Variants in GNG12 observed in about 807,000 individuals in gnomAD.
GNG12 encodes G protein subunit gamma 12, also known as guanine nucleotide-binding protein G(I)/G(S)/G(O) subunit gamma-12.
For synonymous variants in GNG12, 28 were observed against 29.7 expected, an observed-to-expected ratio of 0.94 and a Z score of 0.19; for missense variants, 69 against 83.8, an observed-to-expected ratio of 0.82 and a Z score of 0.69.
chr1:67,776,201 A>G (rs1034022779), intron 2 of GNG12, among the ~76,000 whole-genome samples: 3 of 152,146 alleles, frequency 2.0e-5, no homozygotes, highest in Non-Finnish European at 1.5e-5. Context: ...GGCTAGAAGT[A>G]AGACTAAGAT....
At chr1:67,714,851 G>A (rs991067263) in intron 2 of GNG12, among the ~76,000 whole-genome samples, 2 of 152,200 alleles carry the variant, frequency 1.3e-5, no homozygotes, top group Admixed American at 1.3e-4. Context: ...TTATGAGAAC[G>A]AGAAATTTGG....
chr1:67,751,181 A>G (rs1162263917), intron 2 of GNG12, among the ~76,000 whole-genome samples: 2 of 130,522 alleles, frequency 1.5e-5, no homozygotes, highest in East Asian at 4.1e-4. Flanking sequence ...GGATACACAT[A>G]CAGACACACA....
At position 67,703,162 on chromosome 1, in the gene GNG12, A is replaced by C. The variant is rs567372243; in HGVS notation, c.*2289T>G. The C allele has an allele frequency of 6.6e-6, 1 of 152,254 alleles. No homozygotes were observed. Among genetic ancestry groups the C allele is most frequent in the Non-Finnish European group, 1.5e-5 (1 of 68,004 alleles). 9.4% of individuals were successfully genotyped at this position (152,254 alleles called of 1,614,324 possible). ...TTTGATATTCATGAACATGCCCTAC[A>C]CCTGGTTAGGAAGTTATGTATTTAT... is the stretch of plus-strand genomic sequence containing the variant. On this transcript the variant is annotated 3_prime_UTR_variant, in exon 4 of 4. Coordinates refer to ENST00000370982, the MANE Select transcript of GNG12 (RefSeq NM_018841.6).
intron 2 of GNG12, among the ~76,000 whole-genome samples, chr1:67,712,996 T>G (rs1038169969): frequency 6.6e-6 from 1 of 152,186 alleles, no homozygotes; most frequent in Admixed American, 6.5e-5. Flanking sequence ...CCCAAAGTGC[T>G]GGGATTACAG....
intron 1 of GNG12, among the ~76,000 whole-genome samples, chr1:67,821,900 G>A (rs997926603): frequency 1.3e-5 from 2 of 151,800 alleles, no homozygotes; most frequent in African/African-American, 4.8e-5. Context: ...TTTTGCAAAC[G>A]GGAAAACAGG....
chr1:67,758,395 A>C (rs1234561654), intron 2 of GNG12, among the ~76,000 whole-genome samples: 1 of 152,186 alleles, frequency 6.6e-6, no homozygotes, highest in Non-Finnish European at 1.5e-5. Context: ...CCCTCCTCAG[A>C]CCTAGTATTT....
chr1:67,754,740 T>A (rs543010595), intron 2 of GNG12, among the ~76,000 whole-genome samples: 13 of 152,346 alleles, frequency 8.5e-5, no homozygotes, highest in African/African-American at 2.9e-4. Context: ...CCCATCAGGA[T>A]ACCGAGCACA....
At chr1:67,822,552 T>G (rs1646990292) in intron 1 of GNG12, among the ~76,000 whole-genome samples, 2 of 152,138 alleles carry the variant, frequency 1.3e-5, no homozygotes, top group South Asian at 4.2e-4. Context: ...CCAGAGAGCT[T>G]TAAACCAACC....
At chr1:67,810,350 A>G (rs1646918038) in intron 1 of GNG12, among the ~76,000 whole-genome samples, 1 of 152,210 alleles carries the variant, frequency 6.6e-6, no homozygotes, top group Non-Finnish European at 1.5e-5. Context: ...ATCATGTATT[A>G]GTCAAAATCC....
intron 1 of GNG12, among the ~76,000 whole-genome samples, chr1:67,790,573 C>T (rs1191585546): frequency 2.0e-5 from 3 of 150,664 alleles, no homozygotes; most frequent in Non-Finnish European, 2.9e-5. Flanking sequence ...ACAACTTGAT[C>T]GTAAGGTCCC....
chr1:67,779,175 G>C (rs1449400607), intron 1 of GNG12, among the ~76,000 whole-genome samples: 2 of 152,164 alleles, frequency 1.3e-5, no homozygotes, highest in Non-Finnish European at 2.9e-5. Context: ...GGGGTAGGGA[G>C]TTAGAAAGAA....
intron 2 of GNG12, among the ~76,000 whole-genome samples, chr1:67,731,508 C>G (rs1408416892): frequency 6.6e-6 from 1 of 152,192 alleles, no homozygotes; most frequent in East Asian, 1.9e-4. Flanking sequence ...CCTGCAGGAT[C>G]TGGAGCTAGA....
At chr1:67,737,358 T>C (rs970927216) in intron 2 of GNG12, among the ~76,000 whole-genome samples, 1 of 152,244 alleles carries the variant, frequency 6.6e-6, no homozygotes, top group Non-Finnish European at 1.5e-5. Flanking sequence ...AAATGATTTC[T>C]GTTCTAAGGC....
intron 2 of GNG12, among the ~76,000 whole-genome samples, chr1:67,759,493 C>A (rs77816666): frequency 0.029 from 4,375 of 152,230 alleles, 238 homozygotes; most frequent in African/African-American, 0.1. Flanking sequence ...GTGTGACCTG[C>A]GAATATCTGT....
intron 1 of GNG12, among the ~76,000 whole-genome samples, chr1:67,801,022 G>C (rs1262254609): frequency 1.3e-5 from 2 of 152,140 alleles, no homozygotes; most frequent in Non-Finnish European, 2.9e-5. Context: ...GACTACACTG[G>C]ATGTTTAAAG....
intron 2 of GNG12, among the ~76,000 whole-genome samples, chr1:67,709,842 GTATATATATTTATATATATATAGTTA>G (rs1646271430): frequency 4.3e-5 from 5 of 115,368 alleles, no homozygotes; most frequent in Non-Finnish European, 6.7e-5. Context: ...ATATATATTT[GTATATATATTTATATATATATAGTTA>G]TATATATATT....
At chr1:67,749,908 A>C (rs1410269928) in intron 2 of GNG12, among the ~76,000 whole-genome samples, 1 of 152,208 alleles carries the variant, frequency 6.6e-6, no homozygotes, top group Non-Finnish European at 1.5e-5. Context: ...GTGCTGAGTC[A>C]CTGGTTAGGA....
At chr1:67,804,234 T>C (rs528794725) in intron 1 of GNG12, among the ~76,000 whole-genome samples, 1 of 152,284 alleles carries the variant, frequency 6.6e-6, no homozygotes, top group South Asian at 2.1e-4. Flanking sequence ...CAAATAAAAA[T>C]CAGTTAATTA....
chr1:67,737,640 C>A (rs1646459888), intron 2 of GNG12, among the ~76,000 whole-genome samples: 1 of 151,686 alleles, frequency 6.6e-6, no homozygotes, highest in Non-Finnish European at 1.5e-5. Context: ...TAAGCACTAG[C>A]TTTTCCCTGC....
Sources: gnomAD v4.1 joint callset for allele counts (sites outside exome capture counted in the v4.1 genomes callset) on GRCh38, gnomAD v4.1.1 for gene constraint, MANE v1.5 for transcripts, NCBI Gene and HGNC (gene_info 2026-07-23, HGNC 2026-07-21) for gene names.